The following APBB2 variants were observed in gnomAD, a reference collection of about 807,000 sequenced individuals.
APBB2 encodes the protein amyloid beta precursor protein binding family B member 2.
Under a neutral mutation model 82.5 loss-of-function variants are expected in APBB2, and 38 were observed. That is an observed-to-expected ratio of 0.46 (90% CI 0.36 to 0.60). APBB2 has a LOEUF of 0.60. APBB2 is among the 20% of genes least tolerant of loss of function. The probability of loss-of-function intolerance (pLI) is 0.00; values close to 1 mark genes in which losing one functional copy is unlikely to be tolerated. For synonymous variants in APBB2, 341 were observed against 368.2 expected (o/e 0.93, Z 0.85); for missense variants, 772 against 972.3 (o/e 0.79, Z 2.74).
rs11421268 is a variant in APBB2 at position 41,032,778 on chromosome 4, C to CTTTTTTTTTT, written c.19+448_19+457dup. 4.6e-4 allele frequency among the ~76,000 whole-genome samples: 39 copies of CTTTTTTTTTT among 84,322 alleles called. 2 individuals are homozygous for CTTTTTTTTTT. Among genetic ancestry groups the CTTTTTTTTTT allele is most frequent in the East Asian group, 1.2e-3 (3 of 2,578 alleles). The allele number at this position is 84,322 out of a possible 152,430, so 55.3% of individuals were successfully genotyped here. On this transcript the variant is annotated intron_variant, in intron 5 of 17. Coordinates refer to ENST00000508593, the MANE Select transcript of APBB2 (RefSeq NM_004307.2). Reference sequence around the variant, plus strand: ...TGATTTTAAAGATTCATTTTTCTTTCTTTTTTTTTTTTTTTTTTTTTTTTG... The same window carrying CTTTTTTTTTT: ...TGATTTTAAAGATTCATTTTTCTTTCTTTTTTTTTTTTTTTTTTTTTTTTTTTTTTTTTTG...
At chr4:41,027,404 T>TATATATATATATATAA (rs1426043208) in intron 5 of APBB2, among the ~76,000 whole-genome samples, 1 of 130,514 alleles carries the variant, frequency 7.7e-6, no homozygotes, top group African/African-American at 2.9e-5. Context: ...TATATATATA[T>TATATATATATATATAA]AACATTTTCA....
Position 40,815,552 on chromosome 4 carries a change from A to G in APBB2, c.*540T>C, listed in dbSNP as rs929240477. ...AGTTGGTTTCTATACTGATGCCAAC[A>G]GCCAATTTTGTCAACCAACAGGTTC... On this transcript the variant is annotated 3_prime_UTR_variant, in exon 18 of 18. Transcript: ENST00000508593. 6.5e-6 allele frequency: 1 copy of G among 153,452 alleles called. No individual in the cohort carries two copies. The highest frequency in any genetic ancestry group is 1.5e-5 in the Non-Finnish European group (1 of 68,598). The allele number at this position is 153,452 out of a possible 1,614,324, so 9.5% of individuals were successfully genotyped here.
chr4:40,937,403 T>G (rs1785644796), intron 7 of APBB2, among the ~76,000 whole-genome samples: 1 of 152,218 alleles, frequency 6.6e-6, no homozygotes, highest in African/African-American at 2.4e-5. Context: ...TTTTAATGCA[T>G]TTACTCTTTG....
rs2154292132 is a variant in APBB2, at chr4:40,815,599, A to G, written c.*493T>C. 1 of 153,784 alleles carries G rather than the reference A, an allele frequency of 6.5e-6. No homozygotes were observed. Among genetic ancestry groups the G allele is most frequent in the East Asian group, 1.9e-4 (1 of 5,220 alleles). The allele number at this position is 153,784 out of a possible 1,614,324, so 9.5% of individuals were successfully genotyped here. ...GTTCAATTTTATGAAAAATTAAAAC[A>G]CAAACTCGCCATCCTATTTTTACAG... On this transcript the variant is annotated 3_prime_UTR_variant, in exon 18 of 18. Coordinates refer to ENST00000508593, the MANE Select transcript of APBB2 (RefSeq NM_004307.2).
chr4:41,008,040 G>C (rs551259154), intron 6 of APBB2, among the ~76,000 whole-genome samples: 1 of 152,338 alleles, frequency 6.6e-6, no homozygotes, highest in East Asian at 1.9e-4. Flanking sequence ...AACCTCAGTT[G>C]CTTAGAGGAA....
Position 40,826,016 on chromosome 4 carries a change from A to G in APBB2, c.1733-46T>C. The stretch of plus-strand genomic sequence containing the variant: ...ACATCTTTCTCAGTGGTTCCAACAC[A>G]CATGTACACAACAGCCGTGGCTCTG... On this transcript the variant is annotated intron_variant, in intron 14 of 17. Coordinates refer to ENST00000508593, the MANE Select transcript of APBB2 (RefSeq NM_004307.2). This position sits in a 1 kb window ranked among gnomAD's most constrained non-coding sequence, Gnocchi z 4.5. 7.0e-7 allele frequency: 1 copy of G among 1,434,662 alleles called. No individual in the cohort carries two copies. Among genetic ancestry groups the G allele is most frequent in the African/African-American group, 1.4e-5 (1 of 71,492 alleles). 88.9% of individuals were successfully genotyped at this position (1,434,662 alleles called of 1,614,324 possible).
At chr4:41,121,464 G>A (rs140124648) in intron 2 of APBB2, among the ~76,000 whole-genome samples, 4 of 152,252 alleles carry the variant, frequency 2.6e-5, no homozygotes, top group African/African-American at 4.8e-5. Flanking sequence ...GGGAGCGTGC[G>A]TGTGTACACG....
chr4:41,029,097 C>T (rs1331994545), intron 5 of APBB2, among the ~76,000 whole-genome samples: 1 of 152,182 alleles, frequency 6.6e-6, no homozygotes, highest in Non-Finnish European at 1.5e-5. Flanking sequence ...AATGTTTGCC[C>T]CATGCTTGAA....
intron 4 of APBB2, among the ~76,000 whole-genome samples, chr4:41,035,619 C>T (rs192590471): frequency 1.1e-4 from 17 of 152,122 alleles, no homozygotes; most frequent in Non-Finnish European, 2.5e-4. Flanking sequence ...AAAAGGCATA[C>T]TAGTGTGAGC....
intron 6 of APBB2, among the ~76,000 whole-genome samples, chr4:40,993,276 A>G (rs1353224382): frequency 6.6e-6 from 1 of 152,178 alleles, no homozygotes; most frequent in Non-Finnish European, 1.5e-5. Flanking sequence ...TTATGGCACA[A>G]ATTCCATTTT....
At chr4:41,017,270 A>G (rs1810255174) in intron 5 of APBB2, among the ~76,000 whole-genome samples, 1 of 152,168 alleles carries the variant, frequency 6.6e-6, no homozygotes, top group Non-Finnish European at 1.5e-5. Flanking sequence ...TAATGGTATC[A>G]TGTGGAGGCA....
At chr4:41,107,227 C>G (rs1443853996) in intron 2 of APBB2, among the ~76,000 whole-genome samples, 1 of 152,132 alleles carries the variant, frequency 6.6e-6, no homozygotes, top group Admixed American at 6.5e-5. Flanking sequence ...GGGAGAATCT[C>G]TTGAACCTGG....
At chr4:41,194,544 A>C in intron 1 of APBB2, among the ~76,000 whole-genome samples, 1 of 152,190 alleles carries the variant, frequency 6.6e-6, no homozygotes, top group African/African-American at 2.4e-5. Flanking sequence ...TTAGCCGGGC[A>C]TGGTGGCAGG....
intron 2 of APBB2, among the ~76,000 whole-genome samples, chr4:41,138,623 A>G (rs1758251432): frequency 6.6e-6 from 1 of 152,250 alleles, no homozygotes; most frequent in Non-Finnish European, 1.5e-5. Context: ...AACTGTGAGA[A>G]GATAAATTTC....
intron 1 of APBB2, among the ~76,000 whole-genome samples, chr4:41,161,945 A>T (rs1405764391): frequency 6.6e-6 from 1 of 152,214 alleles, no homozygotes; most frequent in Non-Finnish European, 1.5e-5. Context: ...TTCAATGATT[A>T]TTAACTCATG....
chr4:41,029,690 T>C (rs1715915893), intron 5 of APBB2, among the ~76,000 whole-genome samples: 2 of 151,266 alleles, frequency 1.3e-5, no homozygotes. Context: ...AACATATACA[T>C]GTTTTATTTG....
intron 17 of APBB2, among the ~76,000 whole-genome samples, chr4:40,819,867 C>T (rs1179141719): frequency 6.6e-6 from 1 of 152,184 alleles, no homozygotes; most frequent in Non-Finnish European, 1.5e-5. Context: ...GGCTGGACTA[C>T]AGTGGTGCCA....
intron 7 of APBB2, 66 bp downstream of exon 7, chr4:40,944,799 C>T: frequency 6.6e-7 from 1 of 1,512,922 alleles, no homozygotes; most frequent in Non-Finnish European, 9.1e-7. Flanking sequence ...CAGAAGCAAC[C>T]AGTGTAAAGA....
chr4:41,112,849 T>C (rs1305612098), intron 2 of APBB2, among the ~76,000 whole-genome samples: 2 of 152,122 alleles, frequency 1.3e-5, no homozygotes, highest in Non-Finnish European at 2.9e-5. Flanking sequence ...TAGCCGGGTG[T>C]GGTGGCATGC....
Sources: gnomAD v4.1 joint callset for allele counts (sites outside exome capture counted in the v4.1 genomes callset) on GRCh38, gnomAD v4.1.1 for gene constraint, Gnocchi (gnomAD v3.1) non-coding constraint, MANE v1.5 for transcripts, NCBI Gene and HGNC (gene_info 2026-07-23, HGNC 2026-07-21) for gene names.